CNTNAP4: variants seen among roughly 807,000 people sequenced by gnomAD.
CNTNAP4 encodes the protein contactin-associated protein-like 4.
In CNTNAP4, 98 loss-of-function variants were observed where a neutral mutation model predicts 148.4. The ratio of observed to expected loss-of-function variants is 0.66; its 90% CI spans 0.56 to 0.78. The LOEUF (loss-of-function observed/expected upper bound fraction) is 0.78. Among genes scored for constraint, CNTNAP4 ranks in the 30% least tolerant of loss-of-function variants. The pLI is 0.00. For synonymous variants in CNTNAP4, 730 were observed against 565.1 expected, an observed-to-expected ratio of 1.29 and a Z score of -4.14; for missense variants, 1,935 against 1,565.6, an observed-to-expected ratio of 1.24 and a Z score of -3.98.
chr16:76,299,214 A>G (rs904472773), intron 1 of CNTNAP4, among the ~76,000 whole-genome samples: 1 of 152,096 alleles, frequency 6.6e-6, no homozygotes, highest in Non-Finnish European at 1.5e-5. Context: ...AACAGGCAAC[A>G]TACAGAATGG....
At chr16:76,414,014 A>T (rs539768507) in intron 3 of CNTNAP4, among the ~76,000 whole-genome samples, 15 of 151,376 alleles carry the variant, frequency 9.9e-5, no homozygotes, top group African/African-American at 2.7e-4. Flanking sequence ...AGGCAGTTTT[A>T]TTTCTTCCTT....
intron 17 of CNTNAP4, among the ~76,000 whole-genome samples, chr16:76,531,019 GT>G (rs1238638157): frequency 1.3e-5 from 2 of 152,164 alleles, no homozygotes; most frequent in African/African-American, 2.4e-5. Context: ...GGCTTTGCCT[GT>G]TTTTCTTTGC....
chr16:76,341,081 C>G (rs533207378), intron 2 of CNTNAP4, among the ~76,000 whole-genome samples: 13 of 152,240 alleles, frequency 8.5e-5, no homozygotes, highest in South Asian at 8.3e-4. Flanking sequence ...TGGAGTTTGC[C>G]TCTGCTCTTT....
intron 9 of CNTNAP4, among the ~76,000 whole-genome samples, chr16:76,465,595 T>A (rs2081147106): frequency 6.6e-6 from 1 of 152,192 alleles, no homozygotes; most frequent in African/African-American, 2.4e-5. Flanking sequence ...GCCTGGCATA[T>A]TATAGTTGCT....
chr16:76,418,696 T>C (rs2079074511), intron 3 of CNTNAP4, among the ~76,000 whole-genome samples: 1 of 149,648 alleles, frequency 6.7e-6, no homozygotes, highest in Non-Finnish European at 1.5e-5. Flanking sequence ...TGAGTCTTGT[T>C]CTGATAATTG....
chr16:76,515,269 T>C (rs1005229839), intron 15 of CNTNAP4, among the ~76,000 whole-genome samples: 4 of 152,190 alleles, frequency 2.6e-5, no homozygotes, highest in Admixed American at 2.0e-4. Flanking sequence ...ATATGGGTGT[T>C]ACGTACTAAA....
intron 4 of CNTNAP4, among the ~76,000 whole-genome samples, chr16:76,444,328 A>T (rs1413571604): frequency 6.6e-6 from 1 of 152,178 alleles, no homozygotes; most frequent in African/African-American, 2.4e-5. Flanking sequence ...TAAAATCAGA[A>T]TTTATTAATT....
intron 3 of CNTNAP4, 82 bp from the exon 4 acceptor site, chr16:76,427,370 A>G (rs2079446067): frequency 8.5e-7 from 1 of 1,179,572 alleles, no homozygotes; most frequent in East Asian, 2.5e-5. Context: ...CAGATCACAC[A>G]TTGCTAATAG....
intron 1 of CNTNAP4, among the ~76,000 whole-genome samples, chr16:76,312,854 A>G (rs772550012): frequency 7.9e-5 from 12 of 152,210 alleles, no homozygotes; most frequent in African/African-American, 2.2e-4. Flanking sequence ...ATTAGTTACT[A>G]TGTGTGGCAG....
At chr16:76,554,487 C>A (rs2085107107) in intron 23 of CNTNAP4, among the ~76,000 whole-genome samples, 1 of 152,002 alleles carries the variant, frequency 6.6e-6, no homozygotes, top group Non-Finnish European at 1.5e-5. Context: ...CTTTAAATTG[C>A]AGAATTAACA....
intron 3 of CNTNAP4, among the ~76,000 whole-genome samples, chr16:76,402,896 T>G (rs949169441): frequency 6.6e-6 from 1 of 152,324 alleles, no homozygotes; most frequent in South Asian, 2.1e-4. Context: ...GTGCGTGGTC[T>G]GAGAGTGTGT....
chr16:76,370,770 G>A (rs1049030900), intron 3 of CNTNAP4, among the ~76,000 whole-genome samples: 1 of 152,146 alleles, frequency 6.6e-6, no homozygotes, highest in African/African-American at 2.4e-5. Flanking sequence ...CTTACTGAGT[G>A]ATTCCTCATT....
chr16:76,389,415 C>A (rs185921918), intron 3 of CNTNAP4, among the ~76,000 whole-genome samples: 63 of 152,206 alleles, frequency 4.1e-4, no homozygotes, highest in Admixed American at 3.0e-3. Context: ...CCACTCAGCG[C>A]TTTGACAGTG....
rs1270132347 is a variant in CNTNAP4, at chr16:76,531,189, A to G, written c.2756-4356A>G. The stretch of plus-strand genomic sequence containing the variant: ...AGTTGTTCCCAATTAATTCTCAATA[A>G]TATTCAAGCACAGCACATGAATAAT... On this transcript the variant is annotated intron_variant, in intron 17 of 23. Coordinates refer to ENST00000611870, the MANE Select transcript of CNTNAP4 (RefSeq NM_033401.5). Among the ~76,000 whole-genome samples the G allele has an allele frequency of 3.3e-5, 5 of 152,308 alleles. No homozygotes were observed. In the East Asian group the frequency reaches 9.6e-4, roughly 29 times the overall value.
Position 76,522,047 on chromosome 16 carries a change from G to T in CNTNAP4, c.2545G>T (p.Val849Leu). ...FIRIELRSPT[V>L]VTFSFDVGNG... ...ATGTGTAATATTTCCAGCTCCGACA[G>T]TAGTGACTTTTTCATTTGATGTGGG... Residue 849 changes from valine to leucine, a missense_variant, in exon 17 of 24, where the codon GTA becomes TTA. Val to Leu is a conservative substitution (Grantham distance 32). Coordinates refer to ENST00000611870, the MANE Select transcript of CNTNAP4 (RefSeq NM_033401.5). The T allele has an allele frequency of 6.2e-7, 1 of 1,613,820 alleles. No homozygotes were observed.
rs542874904 is a variant in CNTNAP4 at position 76,476,972 on chromosome 16, A to G, written c.1762+927A>G. 6.6e-5 allele frequency among the ~76,000 whole-genome samples: 10 copies of G among 152,122 alleles called. No individual in the cohort carries two copies. In the South Asian group the frequency reaches 1.7e-3, roughly 25 times the overall value. On this transcript the variant is annotated intron_variant, in intron 11 of 23. Coordinates refer to ENST00000611870, the MANE Select transcript of CNTNAP4 (RefSeq NM_033401.5). ...GGTAGATAAATAGTTAATTTTATTC[A>G]ATACTTTCTAAATGTCAGCTACTGA... is the stretch of plus-strand genomic sequence containing the variant.
chr16:76,525,971 C>T (rs990916510), intron 17 of CNTNAP4, among the ~76,000 whole-genome samples: 2 of 151,088 alleles, frequency 1.3e-5, no homozygotes, highest in Non-Finnish European at 2.9e-5. Flanking sequence ...ATGTATGTAT[C>T]CGTACATGTA....
chr16:76,409,102 C>T (rs1447670049), intron 3 of CNTNAP4, among the ~76,000 whole-genome samples: 1 of 151,884 alleles, frequency 6.6e-6, no homozygotes, highest in Non-Finnish European at 1.5e-5. Context: ...ATGTATGGCA[C>T]AATAGGCTTT....
At chr16:76,475,773 G>C (rs978305416) in intron 10 of CNTNAP4, among the ~76,000 whole-genome samples, 166 bp from the exon 11 acceptor site, 2 of 152,164 alleles carry the variant, frequency 1.3e-5, no homozygotes, top group African/African-American at 4.8e-5. Flanking sequence ...TGAATTTATT[G>C]ATCTAAGGTT....
Sources: gnomAD v4.1 joint callset for allele counts (sites outside exome capture counted in the v4.1 genomes callset) on GRCh38, gnomAD v4.1.1 for gene constraint, MANE v1.5 for transcripts, NCBI Gene and HGNC (gene_info 2026-07-23, HGNC 2026-07-21) for gene names.